Variants in CELSR1 observed in about 807,000 individuals in gnomAD.
CELSR1 encodes the protein cadherin EGF LAG seven-pass G-type receptor 1.
Under a neutral mutation model 249.1 loss-of-function variants are expected in CELSR1, and 110 were observed. That is an observed-to-expected ratio of 0.44 (90% CI 0.38 to 0.52). The LOEUF is 0.52. Among genes scored for constraint, CELSR1 ranks in the 20% least tolerant of loss-of-function variants. The pLI, the probability that CELSR1 is intolerant of heterozygous loss-of-function variation, is 0.00. For synonymous variants in CELSR1, 2,113 were observed against 1,900.0 expected, an observed-to-expected ratio of 1.11 and a Z score of -2.92; for missense variants, 4,109 against 4,296.4, an observed-to-expected ratio of 0.96 and a Z score of 1.22.
In CELSR1 at chr22:46,365,231, C is replaced by A. The variant is rs1335339939; in HGVS notation, c.8554G>T (p.Gly2852Trp). The part of the protein sequence containing the change: ...ARGAVHSTPK[G>W]DAVANHVPAG... ...GGCCCAATGTGCCCCACACACTCAC[C>A]TTTGGGGGTGCTGTGGACGGCGCCC... The change falls in exon 32 of 35, where the codon GGG becomes TGG. Residue 2852 changes from glycine to tryptophan, a missense_variant and splice_region_variant. Coordinates refer to ENST00000674500, the MANE Select transcript of CELSR1 (RefSeq NM_001378328.1). The A allele has an allele frequency of 6.2e-7, 1 of 1,611,370 alleles. No individual in the cohort carries two copies. The highest frequency in any genetic ancestry group is 8.5e-7 in the Non-Finnish European group (1 of 1,179,754).
rs1354808374 is a variant in CELSR1 at position 46,440,622 on chromosome 22, T to C, written c.4184-1211A>G. 6.6e-6 allele frequency among the ~76,000 whole-genome samples: 1 copy of C among 152,064 alleles called. No homozygotes were observed. The highest frequency in any genetic ancestry group is 2.4e-5 in the African/African-American group (1 of 41,316). On this transcript the variant is annotated intron_variant, in intron 2 of 34. Transcript: ENST00000674500. This position sits in a 1 kb window ranked among gnomAD's most constrained non-coding sequence, Gnocchi z 4.7. ...GTTTTATTGACAATTGACACTCTCT[T>C]TCCTAGAAGCTGCCTGAGTTTGTCT...
chr22:46,514,235 A>G (rs184652108), intron 1 of CELSR1, among the ~76,000 whole-genome samples: 1 of 152,226 alleles, frequency 6.6e-6, no homozygotes, highest in Non-Finnish European at 1.5e-5. Flanking sequence ...CTCCAACACC[A>G]GGGGAATCCC....
Position 46,412,432 on chromosome 22 carries a change from C to T in CELSR1, c.4612-673G>A, listed in dbSNP as rs532161757. 6.6e-6 allele frequency among the ~76,000 whole-genome samples: 1 copy of T among 152,282 alleles called. No individual in the cohort carries two copies. The highest frequency in any genetic ancestry group is 2.1e-4 in the South Asian group (1 of 4,826). On this transcript the variant is annotated intron_variant, in intron 5 of 34. Transcript: ENST00000674500. This position sits in a 1 kb window ranked among gnomAD's most constrained non-coding sequence, Gnocchi z 4.5. ...CCTGACCACGGCACCTGGCCAGGTT[C>T]GTGCTCCTGGAGTACAGACACCAGG...
intron 1 of CELSR1, among the ~76,000 whole-genome samples, chr22:46,497,683 G>A (rs1173185553): frequency 6.6e-6 from 1 of 152,052 alleles, no homozygotes; most frequent in African/African-American, 2.4e-5. Context: ...TTCCAAATAA[G>A]TCATGTTACA....
chr22:46,486,574 G>A (rs1341990551), intron 1 of CELSR1, among the ~76,000 whole-genome samples: 1 of 147,414 alleles, frequency 6.8e-6, no homozygotes, highest in African/African-American at 2.5e-5. Flanking sequence ...TGGACGCAGG[G>A]GCTCACGCCT....
At position 46,374,616 on chromosome 22, in the gene CELSR1, G is replaced by C. The variant is rs2147195708; in HGVS notation, c.7585-1559C>G. 6.6e-6 allele frequency among the ~76,000 whole-genome samples: 1 copy of C among 152,322 alleles called. No homozygotes were observed. Among genetic ancestry groups the C allele is most frequent in the East Asian group, 1.9e-4 (1 of 5,172 alleles). On this transcript the variant is annotated intron_variant, in intron 24 of 34. Transcript: ENST00000674500. The surrounding 1 kb of genome is among the most constrained non-coding windows in gnomAD (Gnocchi z 4.3). ...CAGCGCTCACTCCGGCAGGCGACGA[G>C]TCAGTGTGGGAACCCAGGGGCCGCC...
At chr22:46,508,474 A>G (rs2080539501) in intron 1 of CELSR1, among the ~76,000 whole-genome samples, 1 of 87,970 alleles carries the variant, frequency 1.1e-5, no homozygotes, top group Admixed American at 1.8e-4. Context: ...CTGTCCCCTC[A>G]CTGTCCTCCT....
rs1041117918 is a variant in CELSR1 at position 46,534,345 on chromosome 22, G to A, written c.2826C>T (p.Tyr942=). 6.2e-7 allele frequency: 1 copy of A among 1,612,896 alleles called. No homozygotes were observed. The highest frequency in any genetic ancestry group is 8.5e-7 in the Non-Finnish European group (1 of 1,180,052). The change falls in exon 1 of 35, where the codon TAC becomes TAT. Residue 942 remains tyrosine (Y), a synonymous_variant. Coordinates refer to ENST00000674500, the MANE Select transcript of CELSR1 (RefSeq NM_001378328.1). This position sits in a 1 kb window ranked among gnomAD's most constrained non-coding sequence, Gnocchi z 9.7. ...GAATCACACCGGACGTGGGCTCGAT[G>A]TAGAAGTCCCCATCGCCGTCGTCCC... ...QGGDDGDGDF[Y]IEPTSGVIRT... is the part of the protein sequence containing the mutation.
rs80315910 is a variant in CELSR1, at chr22:46,406,467, G to C, written c.5226+2529C>G. Among the ~76,000 whole-genome samples the C allele has an allele frequency of 6.6e-6, 1 of 152,158 alleles. No homozygotes were observed. Among genetic ancestry groups the C allele is most frequent in the Non-Finnish European group, 1.5e-5 (1 of 68,012 alleles). On this transcript the variant is annotated intron_variant, in intron 9 of 34. Coordinates refer to ENST00000674500, the MANE Select transcript of CELSR1 (RefSeq NM_001378328.1). This position sits in a 1 kb window ranked among gnomAD's most constrained non-coding sequence, Gnocchi z 5.4. The stretch of plus-strand genomic sequence containing the variant: ...GCCTGAGCCCCTGCCCCACAGCCCC[G>C]ACCCATCTCCTGAGCCCTCGCTGAT...
chr22:46,411,726 G>A lies in CELSR1; in HGVS notation c.4645C>T (p.Pro1549Ser). The A allele has an allele frequency of 6.2e-7, 1 of 1,614,204 alleles. No homozygotes were observed. Among genetic ancestry groups the A allele is most frequent in the Non-Finnish European group, 8.5e-7 (1 of 1,180,042 alleles). The part of the protein sequence containing the change: ...NIGHLGLPHG[P>S]SGEKMAVVTV... ...ACCACGGCCATCTTTTCCCCGGACG[G>A]CCCATGGGGCAGGCCCAGGTGGCCA... The change falls in exon 6 of 35, where the codon CCG becomes TCG. Residue 1549 changes from proline (P) to serine (S), a missense_variant. Transcript: ENST00000674500. The surrounding 1 kb of genome is among the most constrained non-coding windows in gnomAD (Gnocchi z 4.2).
rs1190073843 is a variant in CELSR1, at chr22:46,409,920, A to T, written c.4934-40T>A. On this transcript the variant is annotated intron_variant, in intron 7 of 34. Transcript: ENST00000674500. This position sits in a 1 kb window ranked among gnomAD's most constrained non-coding sequence, Gnocchi z 9.8. ...CGTGCGGCAGAGCCTGACTCGGAGG[A>T]ACCGCCCGGGGTCCCCGGCGCCAGA... is the stretch of plus-strand genomic sequence containing the variant. 1.1e-5 allele frequency: 17 copies of T among 1,604,610 alleles called. No individual in the cohort carries two copies. The highest frequency in any genetic ancestry group is 1.6e-4 in the Middle Eastern group (1 of 6,076).
intron 27 of CELSR1, 44 bp from the exon 28 acceptor site, chr22:46,367,899 G>T: frequency 6.4e-7 from 1 of 1,573,588 alleles, no homozygotes; most frequent in African/African-American, 1.3e-5. Context: ...GCCACCACCT[G>T]CTCCCTTCCT....
In CELSR1 at chr22:46,423,471, G is replaced by A. The variant is rs147372497; in HGVS notation, c.4611+9922C>T. Among the ~76,000 whole-genome samples, 1,408 of 152,098 alleles carry A rather than the reference G, an allele frequency of 9.3e-3. 29 individuals are homozygous for A. The highest frequency in any genetic ancestry group is 0.032 in the African/African-American group (1,312 of 41,476). ...AAATACAAAATTAGCCGGGCGTGGT[G>A]GTGCAGGCCTGTAATCCCACCTACT... On this transcript the variant is annotated intron_variant, in intron 5 of 34. Coordinates refer to ENST00000674500, the MANE Select transcript of CELSR1 (RefSeq NM_001378328.1). This position sits in a 1 kb window ranked among gnomAD's most constrained non-coding sequence, Gnocchi z 5.6.
rs547830513 is a variant in CELSR1 at position 46,526,311 on chromosome 22, C to T, written c.3544+7316G>A. ...ACCTGACACTGCCCACTCCCAAAGCCCCTGAGACGGGCCAGTGCCACGCTA... is the reference window on the plus strand; with the variant it reads ...ACCTGACACTGCCCACTCCCAAAGCTCCTGAGACGGGCCAGTGCCACGCTA... On this transcript the variant is annotated intron_variant, in intron 1 of 34. Transcript: ENST00000674500. This position sits in a 1 kb window ranked among gnomAD's most constrained non-coding sequence, Gnocchi z 4.7. Among the ~76,000 whole-genome samples the T allele has an allele frequency of 6.6e-6, 1 of 152,304 alleles. No homozygotes were observed. The highest frequency in any genetic ancestry group is 1.5e-5 in the Non-Finnish European group (1 of 68,026).
In CELSR1 at chr22:46,411,718, C is replaced by G; in HGVS notation, c.4653G>C (p.Gly1551=). The G allele has an allele frequency of 1.2e-6, 2 of 1,614,210 alleles. No homozygotes were observed. The highest frequency in any genetic ancestry group is 1.7e-6 in the Non-Finnish European group (2 of 1,180,046). Residue 1551 remains glycine (G), a synonymous_variant, in exon 6 of 35, where the codon GGG becomes GGC. Coordinates refer to ENST00000674500, the MANE Select transcript of CELSR1 (RefSeq NM_001378328.1). This position sits in a 1 kb window ranked among gnomAD's most constrained non-coding sequence, Gnocchi z 4.2. ...CCACTGTCACCACGGCCATCTTTTC[C>G]CCGGACGGCCCATGGGGCAGGCCCA... ...GHLGLPHGPS[G]EKMAVVTVDD...
chr22:46,438,652 T>C (rs975183470), intron 3 of CELSR1, among the ~76,000 whole-genome samples: 8 of 152,154 alleles, frequency 5.3e-5, no homozygotes, highest in African/African-American at 1.7e-4. Context: ...TTAAACGTTA[T>C]TGGAGGTGGA....
At position 46,413,805 on chromosome 22, in the gene CELSR1, T is replaced by A. The variant is rs1342857650; in HGVS notation, c.4612-2046A>T. ...TTTGGAAAACGCGTGGAAGTGCCCA[T>A]TATGGGACGCTTAAATGTGAGATGC... is the stretch of plus-strand genomic sequence containing the variant. On this transcript the variant is annotated intron_variant, in intron 5 of 34. Coordinates refer to ENST00000674500, the MANE Select transcript of CELSR1 (RefSeq NM_001378328.1). This position sits in a 1 kb window ranked among gnomAD's most constrained non-coding sequence, Gnocchi z 4.7. 6.6e-6 allele frequency among the ~76,000 whole-genome samples: 1 copy of A among 152,172 alleles called. No individual in the cohort carries two copies. Among genetic ancestry groups the A allele is most frequent in the Non-Finnish European group, 1.5e-5 (1 of 68,028 alleles).
chr22:46,534,446 T>C lies in CELSR1; in HGVS notation c.2725A>G (p.Thr909Ala). ...GTGGCAGAGACCTGGAGGATGCTGG[T>C]CGAGGGTGGAGCATCCTCAAAGATG... Reference protein sequence around the residue: ...GSIFEDAPPSTSILQVSATDR... With the variant: ...GSIFEDAPPSASILQVSATDR... The change falls in exon 1 of 35, where the codon ACC becomes GCC. Residue 909 changes from threonine to alanine, a missense_variant. This residue lies in a region of CELSR1 where 886 missense variants were observed against 896.5 expected (regional missense o/e 0.99). Coordinates refer to ENST00000674500, the MANE Select transcript of CELSR1 (RefSeq NM_001378328.1). This position sits in a 1 kb window ranked among gnomAD's most constrained non-coding sequence, Gnocchi z 9.7. The C allele has an allele frequency of 6.2e-7, 1 of 1,612,990 alleles. No individual in the cohort carries two copies.
intron 1 of CELSR1, among the ~76,000 whole-genome samples, chr22:46,531,998 C>A (rs2080796863): frequency 6.6e-6 from 1 of 152,156 alleles, no homozygotes; most frequent in Non-Finnish European, 1.5e-5. Flanking sequence ...CCATTTTCAA[C>A]TGTGGTCTAA....
Sources: allele counts gnomAD v4.1 joint callset (sites outside exome capture counted in the v4.1 genomes callset), GRCh38; gene constraint gnomAD v4.1.1; regional missense constraint gnomAD v4.1.1; non-coding constraint Gnocchi (gnomAD v3.1); transcripts MANE v1.5; gene names NCBI Gene and HGNC (gene_info 2026-07-23, HGNC 2026-07-21).